NAA25: variants seen among roughly 807,000 people sequenced by gnomAD.
NAA25 encodes the protein N-alpha-acetyltransferase 25, NatB auxiliary subunit.
NAA25 carries 30 observed loss-of-function variants against 132.5 expected under a neutral mutation model. That is an observed-to-expected ratio of 0.23 (90% CI 0.17 to 0.31). The LOEUF is 0.31. Among genes scored for constraint, NAA25 ranks in the 10% least tolerant of loss-of-function variants. NAA25 has a pLI of 1.00. For missense variants in NAA25, 771 were observed against 1,150.4 expected (o/e 0.67, Z 4.77); for synonymous variants, 359 against 401.9 (o/e 0.89, Z 1.28).
chr12:112,076,173 G>C (rs1031017772), intron 7 of NAA25, among the ~76,000 whole-genome samples: 1 of 152,064 alleles, frequency 6.6e-6, no homozygotes, highest in Non-Finnish European at 1.5e-5. Flanking sequence ...GTGAGCTACC[G>C]GGCCCGGCCT....
intron 17 of NAA25, among the ~76,000 whole-genome samples, chr12:112,046,455 C>T: frequency 6.6e-6 from 1 of 152,342 alleles, no homozygotes; most frequent in East Asian, 1.9e-4. Flanking sequence ...CCCTGTGAAT[C>T]CTTCTGGGAC....
chr12:112,040,356 A>C, intron 21 of NAA25, 125 bp downstream of exon 21: 1 of 546,770 alleles, frequency 1.8e-6, no homozygotes, highest in Non-Finnish European at 3.2e-6. Flanking sequence ...TTTTCAATTA[A>C]CAAAAACAGG....
At chr12:112,100,296 G>C (rs2079273969) in intron 1 of NAA25, among the ~76,000 whole-genome samples, 1 of 152,022 alleles carries the variant, frequency 6.6e-6, no homozygotes, top group South Asian at 2.1e-4. Context: ...TGAGCAGCTG[G>C]GACTACAGGC....
At chr12:112,033,125 G>A in intron 23 of NAA25, 108 bp downstream of exon 23, 2 of 1,300,682 alleles carry the variant, frequency 1.5e-6, no homozygotes, top group Non-Finnish European at 2.1e-6. Flanking sequence ...CTTATAAAGA[G>A]GAAATGATAA....
intron 23 of NAA25, 57 bp downstream of exon 23, chr12:112,033,176 G>GAGAC: frequency 6.7e-7 from 1 of 1,495,264 alleles, no homozygotes. Context: ...ATGAGAGAGA[G>GAGAC]AGACAGAGTG....
intron 1 of NAA25, among the ~76,000 whole-genome samples, chr12:112,098,612 A>T (rs2079248518): frequency 6.6e-6 from 1 of 152,198 alleles, no homozygotes; most frequent in South Asian, 2.1e-4. Flanking sequence ...GGAGTCAGCC[A>T]AAATCAGCCA....
At chr12:112,077,259 G>C (rs1404202944) in intron 7 of NAA25, among the ~76,000 whole-genome samples, 1 of 151,956 alleles carries the variant, frequency 6.6e-6, no homozygotes, top group Non-Finnish European at 1.5e-5. Context: ...GATCACTTGA[G>C]GTTAGGAGTT....
chr12:112,043,827 T>C lies in NAA25; in HGVS notation c.2048A>G (p.Glu683Gly). 6.2e-7 allele frequency: 1 copy of C among 1,614,110 alleles called. No homozygotes were observed. The highest frequency in any genetic ancestry group is 8.5e-7 in the Non-Finnish European group (1 of 1,179,974). ...EEHKKLSLEE[E>G]TLWLRIRSLT... is the part of the protein sequence containing the mutation. ...GGATCGGATTCTTAACCACAAGGTC[T>C]CCTCCTCTAAGGAAAGTTTCTTATG... The change falls in exon 18 of 24, where the codon GAG becomes GGG. Residue 683 changes from glutamate (E) to glycine (G), a missense_variant. This residue lies in a region of NAA25 where 324 missense variants were observed against 400.0 expected (regional missense o/e 0.81). Transcript: ENST00000261745.
chr12:112,080,942 T>C (rs1399832341), intron 5 of NAA25, 118 bp downstream of exon 5: 1 of 851,404 alleles, frequency 1.2e-6, no homozygotes, highest in African/African-American at 1.7e-5. Flanking sequence ...CACTCCTGCC[T>C]GGGTGACAGC....
chr12:112,077,808 T>A (rs1336290522), intron 7 of NAA25, among the ~76,000 whole-genome samples: 5 of 151,996 alleles, frequency 3.3e-5, no homozygotes, highest in Non-Finnish European at 7.4e-5. Context: ...AAATTTTTTT[T>A]AAATAAAAAC....
chr12:112,055,201 G>A (rs1180548459), intron 13 of NAA25, among the ~76,000 whole-genome samples: 1 of 152,060 alleles, frequency 6.6e-6, no homozygotes, highest in Non-Finnish European at 1.5e-5. Flanking sequence ...TGTAATGATG[G>A]GAGGATGAGT....
rs1408980944 is a variant in NAA25, at chr12:112,065,314, T to G, written c.1149+3566A>C. 2.0e-5 allele frequency among the ~76,000 whole-genome samples: 3 copies of G among 152,178 alleles called. No individual in the cohort carries two copies. The East Asian group carries it at 5.8e-4, about 29-fold the overall frequency. On this transcript the variant is annotated intron_variant, in intron 11 of 23. Transcript: ENST00000261745. ...GAGTTCAAGGCCAGCCTGGCCAAAA[T>G]GGTGAAACCCCATCTCTACTAAAAA...
At chr12:112,030,828 C>T (rs2136792616) in intron 23 of NAA25, among the ~76,000 whole-genome samples, 1 of 152,296 alleles carries the variant, frequency 6.6e-6, no homozygotes, top group South Asian at 2.1e-4. Flanking sequence ...TATAAAGAAA[C>T]AACCTAAAAT....
intron 23 of NAA25, among the ~76,000 whole-genome samples, chr12:112,031,226 T>C (rs921546240): frequency 6.6e-6 from 1 of 152,138 alleles, no homozygotes; most frequent in African/African-American, 2.4e-5. Context: ...GGACTAGAGG[T>C]CACAGTCCAG....
At chr12:112,043,281 TAAC>T in intron 18 of NAA25, 70 bp from the exon 19 acceptor site, 2 of 1,471,462 alleles carry the variant, frequency 1.4e-6, no homozygotes, top group African/African-American at 1.4e-5. Flanking sequence ...GAAAATCAGG[TAAC>T]TAGTAGATAA....
intron 7 of NAA25, among the ~76,000 whole-genome samples, chr12:112,076,928 C>G (rs763447720): frequency 4.2e-4 from 64 of 151,974 alleles, no homozygotes; most frequent in Non-Finnish European, 8.2e-4. Flanking sequence ...CCCAGGAGAT[C>G]AAGGCTGCAG....
chr12:112,036,483 G>A (rs2078225165), intron 22 of NAA25, among the ~76,000 whole-genome samples: 1 of 152,184 alleles, frequency 6.6e-6, no homozygotes, highest in Non-Finnish European at 1.5e-5. Flanking sequence ...AAAAGGGAAT[G>A]AGGGAAAGAG....
chr12:112,071,622 G>A (rs1387112979), intron 10 of NAA25, among the ~76,000 whole-genome samples: 1 of 152,052 alleles, frequency 6.6e-6, no homozygotes, highest in Non-Finnish European at 1.5e-5. Context: ...GTGAGACACC[G>A]CAACCAGCTG....
chr12:112,038,356 A>G (rs1042128592), intron 22 of NAA25, among the ~76,000 whole-genome samples: 4 of 152,090 alleles, frequency 2.6e-5, no homozygotes, highest in African/African-American at 7.2e-5. Flanking sequence ...ATCAATGCTA[A>G]ATTTCTTGAG....
Sources: gnomAD v4.1 joint callset for allele counts (sites outside exome capture counted in the v4.1 genomes callset) on GRCh38, gnomAD v4.1.1 for gene constraint, gnomAD v4.1.1 regional missense constraint, MANE v1.5 for transcripts, NCBI Gene and HGNC (gene_info 2026-07-23, HGNC 2026-07-21) for gene names.